Variants in ANO3 observed in about 807,000 individuals in gnomAD.
ANO3 encodes anoctamin-3.
Under a neutral mutation model 144.8 loss-of-function variants are expected in ANO3, and 99 were observed. The ratio of observed to expected loss-of-function variants is 0.68; its 90% confidence interval spans 0.58 to 0.81. ANO3 has a LOEUF of 0.81. ANO3 is among the 30% of genes least tolerant of loss of function. The pLI is 0.00. For synonymous variants in ANO3, 414 were observed against 392.6 expected (o/e 1.05, Z -0.64); for missense variants, 905 against 1,202.2 (o/e 0.75, Z 3.66).
At chr11:26,610,634 C>A (rs1565141156) in intron 17 of ANO3, among the ~76,000 whole-genome samples, 1 of 152,044 alleles carries the variant, frequency 6.6e-6, no homozygotes, top group Admixed American at 6.6e-5. Flanking sequence ...CCTACATTTT[C>A]TTTTAGTAGA....
At position 26,553,339 on chromosome 11, in the gene ANO3, T is replaced by C. The variant is rs566256122; in HGVS notation, c.1380T>C (p.Tyr460=). 120 of 1,610,342 alleles carry C rather than the reference T, an allele frequency of 7.5e-5. No individual in the cohort carries two copies. The East Asian group carries it at 2.3e-3, about 31-fold the overall frequency. The change falls in exon 13 of 27, where the codon TAT becomes TAC. Residue 460 remains tyrosine (Y), a synonymous_variant. Coordinates refer to ENST00000256737, the MANE Select transcript of ANO3 (RefSeq NM_031418.4). ...AGAGACTCAACGACAGCTGTATCTA[T>C]GCCAAGGTGAGTGTGGACCCTCACA... ...SLQRLNDSCI[Y]AKVTYLFDNG...
At chr11:26,536,336 A>G (rs1452627761) in intron 9 of ANO3, among the ~76,000 whole-genome samples, 1 of 151,740 alleles carries the variant, frequency 6.6e-6, no homozygotes, top group Non-Finnish European at 1.5e-5. Flanking sequence ...AAAAAAAAGA[A>G]AGAAACTGAA....
intron 1 of ANO3, among the ~76,000 whole-genome samples, chr11:26,326,191 T>G (rs1854878572): frequency 6.6e-6 from 1 of 152,160 alleles, no homozygotes; most frequent in South Asian, 2.1e-4. Context: ...TAATGCATAT[T>G]TGATGGTTAG....
rs149088077 is a variant in ANO3 at position 26,402,253 on chromosome 11, C to T, written c.47-39665C>T. 6.3e-4 allele frequency among the ~76,000 whole-genome samples: 96 copies of T among 152,134 alleles called. 1 individual carries two copies. The East Asian group carries it at 0.018, about 29-fold the overall frequency. On this transcript the variant is annotated intron_variant, in intron 1 of 26. Coordinates refer to ENST00000256737, the MANE Select transcript of ANO3 (RefSeq NM_031418.4). ...AGTGGCTGAACTAATTTATACTCCA[C>T]CAACCGTCCATAAGCATTCCTTTTT...
intron 1 of ANO3, among the ~76,000 whole-genome samples, chr11:26,207,245 A>G (rs1301889602): frequency 2.0e-5 from 3 of 152,220 alleles, no homozygotes; most frequent in African/African-American, 4.8e-5. Context: ...CAGGAGAAAA[A>G]GTAAATAAAT....
intron 4 of ANO3, among the ~76,000 whole-genome samples, chr11:26,502,738 G>C (rs569359424): frequency 1.3e-5 from 2 of 151,406 alleles, no homozygotes; most frequent in South Asian, 4.2e-4. Context: ...ATAACTGCAA[G>C]TATATGATAA....
At chr11:26,596,335 C>T (rs1851628125) in intron 14 of ANO3, among the ~76,000 whole-genome samples, 1 of 152,132 alleles carries the variant, frequency 6.6e-6, no homozygotes, top group Non-Finnish European at 1.5e-5. Flanking sequence ...TCGCTTGTTG[C>T]CCCCATTTGC....
intron 4 of ANO3, among the ~76,000 whole-genome samples, chr11:26,507,841 AC>A (rs1366115019): frequency 6.6e-6 from 1 of 152,210 alleles, no homozygotes; most frequent in Non-Finnish European, 1.5e-5. Flanking sequence ...ATTGAATAAA[AC>A]ATATGCATTT....
At chr11:26,396,672 C>T (rs1361054863) in intron 1 of ANO3, among the ~76,000 whole-genome samples, 2 of 152,052 alleles carry the variant, frequency 1.3e-5, no homozygotes, top group South Asian at 4.1e-4. Flanking sequence ...AACCATCATT[C>T]TCAGCAAACT....
chr11:26,375,145 T>A (rs551072457), intron 1 of ANO3, among the ~76,000 whole-genome samples: 1 of 152,296 alleles, frequency 6.6e-6, no homozygotes, highest in East Asian at 1.9e-4. Context: ...CATCTGGGGA[T>A]GATGGGTGAC....
chr11:26,519,546 G>A lies in ANO3; in HGVS notation c.692+2619G>A, dbSNP rs181037955. ...ACATTTACTTGTCACAGTTCTGGACGCTGGAAGTCTGAGATCAAAGTGGCA... is the reference window on the plus strand; with the variant it reads ...ACATTTACTTGTCACAGTTCTGGACACTGGAAGTCTGAGATCAAAGTGGCA... On this transcript the variant is annotated intron_variant, in intron 6 of 26. Coordinates refer to ENST00000256737, the MANE Select transcript of ANO3 (RefSeq NM_031418.4). 6.0e-4 allele frequency among the ~76,000 whole-genome samples: 92 copies of A among 152,226 alleles called. 1 individual carries two copies. The highest frequency in any genetic ancestry group is 6.8e-3 in the Middle Eastern group (2 of 294).
intron 1 of ANO3, among the ~76,000 whole-genome samples, chr11:26,377,679 G>A (rs538546320): frequency 2.0e-5 from 3 of 152,156 alleles, no homozygotes; most frequent in East Asian, 1.9e-4. Context: ...CAGGAAGCTC[G>A]ATGAATATCA....
chr11:26,388,567 G>A (rs1159108746), intron 1 of ANO3, among the ~76,000 whole-genome samples: 1 of 152,116 alleles, frequency 6.6e-6, no homozygotes, highest in Non-Finnish European at 1.5e-5. Flanking sequence ...TGCAAGAAAA[G>A]TCTAATTTAA....
intron 1 of ANO3, among the ~76,000 whole-genome samples, chr11:26,255,077 C>G (rs368181718): frequency 7.4e-4 from 113 of 152,256 alleles, no homozygotes; most frequent in African/African-American, 2.7e-3. Context: ...GTTTATTATG[C>G]TCCATTAGGA....
Position 26,254,945 on chromosome 11 carries a change from C to A in ANO3, c.155-54700C>A, listed in dbSNP as rs374713813. Among the ~76,000 whole-genome samples the A allele has an allele frequency of 1.3e-4, 20 of 152,214 alleles. No individual in the cohort carries two copies. In the East Asian group the frequency reaches 3.5e-3, roughly 27 times the overall value. On this transcript the variant is annotated intron_variant, in intron 1 of 27. Coordinates refer to the ANO3 transcript ENST00000672621. ...TATCCCAATTTTATAGATGAAAAAA[C>A]AACTTCTTCAAGATTAAATAAGTTG...
intron 3 of ANO3, among the ~76,000 whole-genome samples, chr11:26,447,649 G>C (rs1858751876): frequency 6.6e-6 from 1 of 152,166 alleles, no homozygotes; most frequent in African/African-American, 2.4e-5. Flanking sequence ...AAAGCTAATT[G>C]AGTCCAAAAT....
intron 1 of ANO3, among the ~76,000 whole-genome samples, chr11:26,340,759 A>T (rs931747639): frequency 9.2e-5 from 14 of 152,250 alleles, no homozygotes; most frequent in Admixed American, 6.5e-5. Flanking sequence ...CATGCATTTC[A>T]TACAATGGAA....
At chr11:26,351,227 A>T (rs1000751391) in intron 1 of ANO3, among the ~76,000 whole-genome samples, 1 of 151,752 alleles carries the variant, frequency 6.6e-6, no homozygotes, top group East Asian at 1.9e-4. Context: ...CAGTTTTTCC[A>T]TGGGTACATT....
At chr11:26,223,607 A>AAAAT (rs199604503) in intron 1 of ANO3, among the ~76,000 whole-genome samples, 1,973 of 151,402 alleles carry the variant, frequency 0.013, 28 homozygotes, top group East Asian at 0.085. Context: ...TTTAATAAAA[A>AAAAT]AAAAAAAAAA....
Sources: gnomAD v4.1 joint callset for allele counts (sites outside exome capture counted in the v4.1 genomes callset) on GRCh38, gnomAD v4.1.1 for gene constraint, MANE v1.5 for transcripts, NCBI Gene and HGNC (gene_info 2026-07-23, HGNC 2026-07-21) for gene names.